The following XPO1 variants were observed in gnomAD, a reference collection of about 807,000 sequenced individuals.
XPO1 encodes exportin-1.
XPO1 carries 5 observed loss-of-function variants against 133.3 expected under a neutral mutation model. That is an observed-to-expected ratio of 0.04 (90% CI 0.02 to 0.08). The LOEUF (loss-of-function observed/expected upper bound fraction) is 0.08. Ranked by LOEUF, XPO1 falls within the 10% of genes least tolerant of loss-of-function variation. The probability of loss-of-function intolerance (pLI) is 1.00; values close to 1 mark genes in which losing one functional copy is unlikely to be tolerated. For missense variants in XPO1, 506 were observed against 1,267.5 expected (o/e 0.40, Z 9.12); for synonymous variants, 419 against 408.2 (o/e 1.03, Z -0.32).
chr2:61,498,835 G>A, intron 8 of XPO1, 30 bp downstream of exon 8: 3 of 1,606,814 alleles, frequency 1.9e-6, no homozygotes, highest in South Asian at 2.2e-5. Flanking sequence ...TCCTATTATT[G>A]TTTTTAAAAA....
chr2:61,506,616 T>A lies in XPO1; in HGVS notation c.302-4306A>T, dbSNP rs1201052073. ...TCCGTCTCAAAAAAAAAAAAAAAAA[T>A]CCAATGTTAAACTGCACTTAAAAAT... On this transcript the variant is annotated intron_variant, in intron 4 of 24. Transcript: ENST00000401558. Among the ~76,000 whole-genome samples, 226 of 75,562 alleles carry A rather than the reference T, an allele frequency of 3.0e-3. 2 individuals carry two copies. The highest frequency in any genetic ancestry group is 0.011 in the Middle Eastern group (1 of 94). The allele number at this position is 75,562 out of a possible 152,430, so 49.6% of individuals were successfully genotyped here.
chr2:61,536,614 G>A (rs1699364161), intron 1 of XPO1: 2 of 152,274 alleles, frequency 1.3e-5, no homozygotes, highest in Non-Finnish European at 2.9e-5. Context: ...CTTCATTCAG[G>A]AAAAACACAC....
intron 4 of XPO1, among the ~76,000 whole-genome samples, chr2:61,503,660 G>A (rs550530741): frequency 3.9e-5 from 6 of 152,140 alleles, no homozygotes; most frequent in Non-Finnish European, 8.8e-5. Flanking sequence ...TCCTGACCTC[G>A]TGATCTGCCT....
chr2:61,518,417 A>AACACACACACAC (rs200566050), intron 4 of XPO1, among the ~76,000 whole-genome samples: 79 of 124,514 alleles, frequency 6.3e-4, no homozygotes, highest in African/African-American at 1.2e-3. Context: ...CAAAAAACAA[A>AACACACACACAC]ACACACACAC....
At chr2:61,512,275 A>G (rs1698133019) in intron 4 of XPO1, among the ~76,000 whole-genome samples, 1 of 152,224 alleles carries the variant, frequency 6.6e-6, no homozygotes, top group South Asian at 2.1e-4. Flanking sequence ...AAATGAAACA[A>G]TCACCTCTGA....
At chr2:61,533,675 A>G (rs2104843412) in intron 2 of XPO1, 97 bp downstream of exon 2, 8 of 1,285,360 alleles carry the variant, frequency 6.2e-6, no homozygotes, top group East Asian at 2.8e-5. Flanking sequence ...AAACTATGGA[A>G]TATCTTTTTT....
At chr2:61,517,834 T>C (rs1267570642) in intron 4 of XPO1, among the ~76,000 whole-genome samples, 2 of 152,080 alleles carry the variant, frequency 1.3e-5, no homozygotes. Context: ...CTAGCTACTC[T>C]CAAGGCTGAG....
intron 4 of XPO1, among the ~76,000 whole-genome samples, chr2:61,506,972 G>A (rs1235338064): frequency 6.6e-6 from 1 of 152,118 alleles, no homozygotes; most frequent in African/African-American, 2.4e-5. Flanking sequence ...GCTCACACCT[G>A]TAATCCCAGC....
intron 19 of XPO1, among the ~76,000 whole-genome samples, chr2:61,486,254 A>G (rs986170216): frequency 6.6e-6 from 1 of 151,928 alleles, no homozygotes; most frequent in Non-Finnish European, 1.5e-5. Context: ...GCTCACTGCA[A>G]CCTCCACCTC....
chr2:61,515,392 G>A (rs537085430), intron 4 of XPO1, among the ~76,000 whole-genome samples: 5 of 152,160 alleles, frequency 3.3e-5, no homozygotes, highest in Admixed American at 3.3e-4. Context: ...TTGAGACTTT[G>A]TGGTGAAAAA....
intron 23 of XPO1, among the ~76,000 whole-genome samples, chr2:61,481,971 G>A (rs1218749022): frequency 1.4e-5 from 2 of 144,700 alleles, no homozygotes; most frequent in Non-Finnish European, 3.0e-5. Flanking sequence ...TCCTGACCTT[G>A]TGATTCACCC....
intron 4 of XPO1, among the ~76,000 whole-genome samples, chr2:61,505,618 G>T (rs538133326): frequency 6.6e-6 from 1 of 152,104 alleles, no homozygotes; most frequent in African/African-American, 2.4e-5. Flanking sequence ...GTGTGCAGTG[G>T]CGTGATCTCA....
At chr2:61,482,033 C>CTTT (rs1491506588) in intron 23 of XPO1, among the ~76,000 whole-genome samples, 1,287 of 86,522 alleles carry the variant, frequency 0.015, 261 homozygotes, top group Non-Finnish European at 0.024. Context: ...CCGTGCGTGG[C>CTTT]CTTTTTTTTT....
chr2:61,491,960 C>G, intron 16 of XPO1, 75 bp downstream of exon 16: 1 of 1,525,292 alleles, frequency 6.6e-7, no homozygotes, highest in East Asian at 2.3e-5. Flanking sequence ...AGTTGCCCTC[C>G]TATTTCCATT....
At chr2:61,481,354 G>T (rs542362776) in intron 23 of XPO1, 73 bp from the exon 24 acceptor site, 6 of 1,168,122 alleles carry the variant, frequency 5.1e-6, no homozygotes, top group East Asian at 2.7e-5. Context: ...CTGTCACCAG[G>T]CTGGAGTACA....
At position 61,526,513 on chromosome 2, in the gene XPO1, C is replaced by T. The variant is rs749486210; in HGVS notation, c.135G>A (p.Met45Ile). 2 of 1,564,956 alleles carry T rather than the reference C, an allele frequency of 1.3e-6. No individual in the cohort carries two copies. The highest frequency in any genetic ancestry group is 1.7e-6 in the Non-Finnish European group (2 of 1,164,016). ...LYHGEGAQQR[M>I]AQEVLTHLKE... is the part of the protein sequence containing the mutation. ...TTAAATGTGTCAGTACTTCTTGAGC[C>T]ATTCTTTGCTAAAATATTATTAAAA... is the stretch of plus-strand genomic sequence containing the variant. The change falls in exon 3 of 25, where the codon ATG (methionine) becomes ATA (isoleucine). Residue 45 changes from methionine (M) to isoleucine (I), a missense_variant. This residue lies in a region of XPO1 where 68 missense variants were observed against 210.5 expected (regional missense o/e 0.32). Coordinates refer to ENST00000401558, the MANE Select transcript of XPO1 (RefSeq NM_003400.4).
Position 61,478,551 on chromosome 2 carries a change from C to T in XPO1, c.*269G>A. 2.6e-6 allele frequency: 1 copy of T among 380,470 alleles called. No homozygotes were observed. The highest frequency in any genetic ancestry group is 6.3e-5 in the South Asian group (1 of 15,820). 23.6% of individuals were successfully genotyped at this position (380,470 alleles called of 1,614,324 possible). On this transcript the variant is annotated 3_prime_UTR_variant, in exon 25 of 25. Coordinates refer to ENST00000401558, the MANE Select transcript of XPO1 (RefSeq NM_003400.4). Reference sequence around the variant, plus strand: ...ATCGAATTTGCCTCCTCCCCCCAGCCCAGCCACAAAAATGGGCATGAAGTA... The same window carrying T: ...ATCGAATTTGCCTCCTCCCCCCAGCTCAGCCACAAAAATGGGCATGAAGTA...
chr2:61,510,848 G>A (rs1698057753), intron 4 of XPO1, among the ~76,000 whole-genome samples: 2 of 151,214 alleles, frequency 1.3e-5, no homozygotes, highest in African/African-American at 4.9e-5. Context: ...GACGCAGGAG[G>A]ATTGCTAGAG....
intron 2 of XPO1, among the ~76,000 whole-genome samples, chr2:61,527,662 G>C (rs200703111): frequency 6.6e-6 from 1 of 152,084 alleles, no homozygotes; most frequent in East Asian, 1.9e-4. Context: ...TACCATTTGA[G>C]CTCTTTAAAG....
Sources: allele counts gnomAD v4.1 joint callset (sites outside exome capture counted in the v4.1 genomes callset), GRCh38; gene constraint gnomAD v4.1.1; regional missense constraint gnomAD v4.1.1; transcripts MANE v1.5; gene names NCBI Gene and HGNC (gene_info 2026-07-23, HGNC 2026-07-21).